The following TTC27 variants were observed in gnomAD, a reference collection of about 807,000 sequenced individuals.
The protein encoded by TTC27 is tetratricopeptide repeat domain 27.
TTC27 carries 79 observed loss-of-function variants against 115.9 expected under a neutral mutation model. The observed-to-expected ratio is 0.68, with a 90% CI of 0.57 to 0.82. The LOEUF (loss-of-function observed/expected upper bound fraction) is 0.82. TTC27 is among the 40% of genes least tolerant of loss of function. The pLI, the probability that TTC27 is intolerant of heterozygous loss-of-function variation, is 0.00. For synonymous variants in TTC27, 401 were observed against 356.0 expected (o/e 1.13, Z -1.42); for missense variants, 1,054 against 993.1 (o/e 1.06, Z -0.82).
intron 5 of TTC27, among the ~76,000 whole-genome samples, chr2:32,655,462 A>T (rs1665283194): frequency 6.6e-6 from 1 of 152,182 alleles, no homozygotes; most frequent in African/African-American, 2.4e-5. Flanking sequence ...AGCATTTTAA[A>T]ATCTAGCTTT....
intron 5 of TTC27, among the ~76,000 whole-genome samples, chr2:32,651,660 T>A (rs775847617): frequency 7.9e-5 from 12 of 152,148 alleles, no homozygotes; most frequent in Admixed American, 4.6e-4. Flanking sequence ...CAAGAGTTTT[T>A]ACAGTAACAA....
chr2:32,694,377 C>T (rs747258749), intron 9 of TTC27, among the ~76,000 whole-genome samples: 1 of 151,968 alleles, frequency 6.6e-6, no homozygotes, highest in South Asian at 2.1e-4. Flanking sequence ...AATTTGGGAG[C>T]GTGGTATATA....
intron 10 of TTC27, among the ~76,000 whole-genome samples, chr2:32,703,204 C>T (rs565112815): frequency 6.6e-6 from 1 of 152,334 alleles, no homozygotes; most frequent in South Asian, 2.1e-4. Flanking sequence ...CGCGGTGGCT[C>T]ACGCCTGTGA....
At position 32,797,023 on chromosome 2, in the gene TTC27, A is replaced by C. The variant is rs571029975; in HGVS notation, c.1998+9874A>C. Among the ~76,000 whole-genome samples, 57 of 151,982 alleles carry C rather than the reference A, an allele frequency of 3.8e-4. 3 individuals are homozygous for C. In the South Asian group the frequency reaches 0.011, roughly 31 times the overall value. ...CCCCATCTCTACAAAAAAATACAAAAATTAGCTGGGCATGGTGGTGCACGC... is the reference window on the plus strand; with the variant it reads ...CCCCATCTCTACAAAAAAATACAAACATTAGCTGGGCATGGTGGTGCACGC... On this transcript the variant is annotated intron_variant, in intron 16 of 19. Coordinates refer to ENST00000317907, the MANE Select transcript of TTC27 (RefSeq NM_017735.5).
intron 10 of TTC27, among the ~76,000 whole-genome samples, chr2:32,721,721 T>A (rs1287760211): frequency 7.6e-6 from 1 of 131,092 alleles, no homozygotes; most frequent in Non-Finnish European, 1.6e-5. Flanking sequence ...GTGGAATGAT[T>A]AAGCTCTGAG....
chr2:32,748,736 G>T lies in TTC27; in HGVS notation c.1453-9556G>T, dbSNP rs1047963739. On this transcript the variant is annotated intron_variant, in intron 12 of 19. Coordinates refer to ENST00000317907, the MANE Select transcript of TTC27 (RefSeq NM_017735.5). ...GGAGTCTTGCCGTGTTGCCCAGGCT[G>T]GAGTGCAGTGGCGTGATCTCGGCTC... Among the ~76,000 whole-genome samples, 4 of 145,892 alleles carry T rather than the reference G, an allele frequency of 2.7e-5. No homozygotes were observed. In the East Asian group the frequency reaches 7.9e-4, roughly 29 times the overall value.
chr2:32,644,827 C>G (rs1664791848), intron 4 of TTC27, among the ~76,000 whole-genome samples: 1 of 144,646 alleles, frequency 6.9e-6, no homozygotes, highest in South Asian at 2.2e-4. Flanking sequence ...CTCCCTCCCT[C>G]CTTTCCTTCG....
chr2:32,758,091 C>G (rs188904109), intron 12 of TTC27, among the ~76,000 whole-genome samples: 7 of 152,284 alleles, frequency 4.6e-5, no homozygotes, highest in African/African-American at 1.7e-4. Context: ...TGGGACCAAA[C>G]CCGCAATATC....
intron 15 of TTC27, 30 bp from the exon 16 acceptor site, chr2:32,786,954 T>G: frequency 6.4e-7 from 1 of 1,570,306 alleles, no homozygotes; most frequent in Non-Finnish European, 8.7e-7. Context: ...GAGTTCATTA[T>G]TGCTCTCTTT....
rs73924067 is a variant in TTC27, at chr2:32,814,066, G to T, written c.2308+1451G>T. Among the ~76,000 whole-genome samples, 292 of 152,272 alleles carry T rather than the reference G, an allele frequency of 1.9e-3. 1 individual carries two copies. Among genetic ancestry groups the T allele is most frequent in the African/African-American group, 6.7e-3 (278 of 41,526 alleles). ...CACTGATGTATTAGGTACATAATTAGCAGGATGGGATTTACTTTGAAAAAT... is the reference window on the plus strand; with the variant it reads ...CACTGATGTATTAGGTACATAATTATCAGGATGGGATTTACTTTGAAAAAT... On this transcript the variant is annotated intron_variant, in intron 18 of 19. Coordinates refer to ENST00000317907, the MANE Select transcript of TTC27 (RefSeq NM_017735.5).
intron 16 of TTC27, among the ~76,000 whole-genome samples, chr2:32,791,577 A>G (rs1308888503): frequency 6.6e-6 from 1 of 152,232 alleles, no homozygotes; most frequent in Non-Finnish European, 1.5e-5. Context: ...CAGAAATCAC[A>G]GGTAGGCATG....
chr2:32,650,556 G>A (rs950746695), intron 5 of TTC27, among the ~76,000 whole-genome samples: 3 of 151,672 alleles, frequency 2.0e-5, no homozygotes, highest in Non-Finnish European at 4.4e-5. Flanking sequence ...TGTTCTTTAA[G>A]AAGCCTCATT....
At chr2:32,688,632 A>G (rs1045088008) in intron 9 of TTC27, among the ~76,000 whole-genome samples, 1 of 152,142 alleles carries the variant, frequency 6.6e-6, no homozygotes, top group African/African-American at 2.4e-5. Context: ...ACAAAGATAT[A>G]TGCATGGCCA....
At chr2:32,772,377 A>G (rs906414538) in intron 13 of TTC27, among the ~76,000 whole-genome samples, 18 of 152,156 alleles carry the variant, frequency 1.2e-4, no homozygotes, top group African/African-American at 4.3e-4. Flanking sequence ...CAGTTCTTCA[A>G]ACCTGCTAAT....
intron 9 of TTC27, among the ~76,000 whole-genome samples, chr2:32,685,444 C>A (rs1280403185): frequency 6.6e-6 from 1 of 152,108 alleles, no homozygotes; most frequent in African/African-American, 2.4e-5. Flanking sequence ...AATTTCCCTT[C>A]TGGCCCACTG....
At chr2:32,700,747 C>T (rs1403384341) in intron 9 of TTC27, among the ~76,000 whole-genome samples, 2 of 152,060 alleles carry the variant, frequency 1.3e-5, no homozygotes, top group Non-Finnish European at 2.9e-5. Flanking sequence ...ATCACGTTGG[C>T]CAGGTTGGTC....
At chr2:32,636,538 T>C (rs1482969949) in intron 3 of TTC27, among the ~76,000 whole-genome samples, 1 of 152,124 alleles carries the variant, frequency 6.6e-6, no homozygotes, top group Non-Finnish European at 1.5e-5. Flanking sequence ...TGTGCCAATT[T>C]GGTCCTTACA....
intron 18 of TTC27, among the ~76,000 whole-genome samples, chr2:32,815,531 G>T (rs1572638643): frequency 6.6e-6 from 1 of 152,100 alleles, no homozygotes. Context: ...ATTTGAAACA[G>T]CAAGTTATTT....
chr2:32,806,222 C>T (rs936524857), intron 16 of TTC27, among the ~76,000 whole-genome samples: 3 of 152,088 alleles, frequency 2.0e-5, no homozygotes, highest in Non-Finnish European at 4.4e-5. Context: ...AAACATTCAC[C>T]TATTTAAATT....
Sources: gnomAD v4.1 joint callset for allele counts (sites outside exome capture counted in the v4.1 genomes callset) on GRCh38, gnomAD v4.1.1 for gene constraint, MANE v1.5 for transcripts, NCBI Gene and HGNC (gene_info 2026-07-23, HGNC 2026-07-21) for gene names.